The following PRKN variants were observed in gnomAD, a reference collection of about 807,000 sequenced individuals.
PRKN encodes the protein E3 ubiquitin-protein ligase parkin.
In PRKN, 56 loss-of-function variants were observed where a neutral mutation model predicts 59.5. The observed-to-expected ratio is 0.94, with a 90% CI of 0.76 to 1.18. The LOEUF is 1.18. PRKN is among the 50% of genes most tolerant of loss of function. PRKN has a pLI of 0.00. For synonymous variants in PRKN, 250 were observed against 222.1 expected, an observed-to-expected ratio of 1.13 and a Z score of -1.12; for missense variants, 657 against 596.4, an observed-to-expected ratio of 1.10 and a Z score of -1.06.
chr6:162,511,850 C>T (rs1777632932), intron 1 of PRKN, among the ~76,000 whole-genome samples: 1 of 152,114 alleles, frequency 6.6e-6, no homozygotes, highest in African/African-American at 2.4e-5. Flanking sequence ...AACTGCACTT[C>T]ACATAAAGAG....
Position 161,377,922 on chromosome 6 carries a change from T to C in PRKN, c.1167+8872A>G, listed in dbSNP as rs960684360. On this transcript the variant is annotated intron_variant, in intron 10 of 11. Coordinates refer to ENST00000366898, the MANE Select transcript of PRKN (RefSeq NM_004562.3). This position sits in a 1 kb window ranked among gnomAD's most constrained non-coding sequence, Gnocchi z 4.2. ...TCCAGAACTGGAAGGAATAAATGTG[T>C]GTTGTTTATAAGCCAGCCAGTCTAC... 6.6e-6 allele frequency among the ~76,000 whole-genome samples: 1 copy of C among 152,062 alleles called. No individual in the cohort carries two copies. Among genetic ancestry groups the C allele is most frequent in the African/African-American group, 2.4e-5 (1 of 41,390 alleles).
chr6:162,674,636 G>A (rs185470629), intron 1 of PRKN, among the ~76,000 whole-genome samples: 1 of 152,290 alleles, frequency 6.6e-6, no homozygotes, highest in African/African-American at 2.4e-5. Context: ...TGAAGGCCCT[G>A]TTGTGCAATT....
At chr6:162,017,621 G>A (rs928728225) in intron 5 of PRKN, among the ~76,000 whole-genome samples, 4 of 152,030 alleles carry the variant, frequency 2.6e-5, no homozygotes, top group Non-Finnish European at 4.4e-5. Context: ...CATTCTTCAC[G>A]ACAAATATAG....
At chr6:162,067,026 T>C (rs1343569509) in intron 4 of PRKN, among the ~76,000 whole-genome samples, 2 of 152,194 alleles carry the variant, frequency 1.3e-5, no homozygotes, top group Non-Finnish European at 2.9e-5. Context: ...AACAGAGGTG[T>C]CCTGTGGAAA....
chr6:162,646,438 A>G (rs1010537882), intron 1 of PRKN, among the ~76,000 whole-genome samples: 1 of 151,776 alleles, frequency 6.6e-6, no homozygotes, highest in Non-Finnish European at 1.5e-5. Flanking sequence ...ATGCTTGGCT[A>G]ATTTTTTTAT....
rs373750832 is a variant in PRKN at position 161,388,392 on chromosome 6, C to CA, written c.1084-1516dup. ...TCCATTTCATAGGAAGGAGTTTCCT[C>CA]ACCAGAAAACTGGTTTCTTTCAATG... On this transcript the variant is annotated intron_variant, in intron 9 of 11. Coordinates refer to ENST00000366898, the MANE Select transcript of PRKN (RefSeq NM_004562.3). The surrounding 1 kb of genome is among the most constrained non-coding windows in gnomAD (Gnocchi z 4.3). 5.3e-4 allele frequency among the ~76,000 whole-genome samples: 80 copies of CA among 152,340 alleles called. No individual in the cohort carries two copies. Among genetic ancestry groups the CA allele is most frequent in the African/African-American group, 1.8e-3 (73 of 41,590 alleles).
chr6:162,473,366 C>T lies in PRKN; in HGVS notation c.8-29893G>A, dbSNP rs550915299. Among the ~76,000 whole-genome samples the T allele has an allele frequency of 3.3e-5, 5 of 152,234 alleles. No individual in the cohort carries two copies. In the East Asian group the frequency reaches 9.7e-4, roughly 30 times the overall value. On this transcript the variant is annotated intron_variant, in intron 1 of 11. Coordinates refer to ENST00000366898, the MANE Select transcript of PRKN (RefSeq NM_004562.3). Reference sequence around the variant, plus strand: ...CTTCAGAGAAGAGGACTTAATGACACTAAGTTGTGTGATCTGGTGAACACA... The same window carrying T: ...CTTCAGAGAAGAGGACTTAATGACATTAAGTTGTGTGATCTGGTGAACACA...
intron 9 of PRKN, among the ~76,000 whole-genome samples, chr6:161,490,335 TGC>T (rs1305199205): frequency 1.3e-4 from 14 of 104,798 alleles, no homozygotes; most frequent in African/African-American, 5.2e-4. Flanking sequence ...CTTGCTTGCT[TGC>T]TTTCTCTCTC....
At chr6:162,282,533 T>C (rs2128106734) in intron 2 of PRKN, among the ~76,000 whole-genome samples, 1 of 152,332 alleles carries the variant, frequency 6.6e-6, no homozygotes, top group African/African-American at 2.4e-5. Flanking sequence ...AATTCTCACA[T>C]ATGTCCTCAA....
At chr6:162,451,084 G>T (rs1790602159) in intron 1 of PRKN, among the ~76,000 whole-genome samples, 1 of 152,036 alleles carries the variant, frequency 6.6e-6, no homozygotes, top group African/African-American at 2.4e-5. Flanking sequence ...ACAAAGAACA[G>T]ATTTTCTTTT....
At chr6:161,425,090 T>C (rs1006183232) in intron 9 of PRKN, among the ~76,000 whole-genome samples, 2 of 137,898 alleles carry the variant, frequency 1.5e-5, no homozygotes, top group Non-Finnish European at 3.0e-5. Context: ...GCCTATGTGC[T>C]GAGTTAGGCA....
intron 7 of PRKN, among the ~76,000 whole-genome samples, chr6:161,572,138 A>G (rs1380225771): frequency 6.6e-6 from 1 of 152,170 alleles, no homozygotes; most frequent in Admixed American, 6.5e-5. Context: ...GATCCTATAG[A>G]CAGAAAGGTC....
At chr6:161,839,441 G>A (rs1379484915) in intron 6 of PRKN, among the ~76,000 whole-genome samples, 1 of 152,074 alleles carries the variant, frequency 6.6e-6, no homozygotes, top group Non-Finnish European at 1.5e-5. Context: ...CCACCCTGAC[G>A]TTCAGGGTGA....
chr6:161,718,006 G>C (rs1010821880), intron 7 of PRKN, among the ~76,000 whole-genome samples: 4 of 152,156 alleles, frequency 2.6e-5, no homozygotes, highest in Admixed American at 2.6e-4. Flanking sequence ...AGAACGTGGG[G>C]AGAAACACAT....
intron 4 of PRKN, among the ~76,000 whole-genome samples, chr6:162,074,197 C>T (rs1292274087): frequency 2.9e-5 from 4 of 137,858 alleles, no homozygotes; most frequent in Non-Finnish European, 4.6e-5. Context: ...TTTATTGCCG[C>T]ATTATTCACA....
At position 161,560,928 on chromosome 6, in the gene PRKN, C is replaced by G. The variant is rs974307347; in HGVS notation, c.933+8427G>C. Among the ~76,000 whole-genome samples the G allele has an allele frequency of 7.2e-5, 11 of 152,308 alleles. No individual in the cohort carries two copies. Among genetic ancestry groups the G allele is most frequent in the African/African-American group, 2.2e-4 (9 of 41,578 alleles). ...CACAGATTTCCGTGGTCTTCTTTAT[C>G]TGATGGCAAAATTCCACGCCTGGAA... On this transcript the variant is annotated intron_variant, in intron 8 of 11. Transcript: ENST00000366898. This position sits in a 1 kb window ranked among gnomAD's most constrained non-coding sequence, Gnocchi z 4.9.
intron 3 of PRKN, among the ~76,000 whole-genome samples, chr6:162,257,815 C>T (rs1779708530): frequency 6.6e-6 from 1 of 152,112 alleles, no homozygotes; most frequent in African/African-American, 2.4e-5. Context: ...CCCTTTCCTC[C>T]TGCAGTTCCT....
chr6:162,118,074 C>A (rs971500067), intron 4 of PRKN, among the ~76,000 whole-genome samples: 1 of 151,222 alleles, frequency 6.6e-6, no homozygotes, highest in Non-Finnish European at 1.5e-5. Flanking sequence ...CCAGTCTGGG[C>A]GACAAGAGTG....
intron 5 of PRKN, among the ~76,000 whole-genome samples, chr6:161,988,472 C>T (rs1046510351): frequency 1.3e-5 from 2 of 151,232 alleles, no homozygotes; most frequent in Non-Finnish European, 2.9e-5. Context: ...AGCAACACGG[C>T]GAGACTCCGT....
Sources: allele counts gnomAD v4.1 joint callset (sites outside exome capture counted in the v4.1 genomes callset), GRCh38; gene constraint gnomAD v4.1.1; non-coding constraint Gnocchi (gnomAD v3.1); transcripts MANE v1.5; gene names NCBI Gene and HGNC (gene_info 2026-07-23, HGNC 2026-07-21).